The following TMEM223 variants were observed in gnomAD, a reference collection of about 807,000 sequenced individuals.
TMEM223 encodes the protein transmembrane protein 223.
A neutral mutation model predicts 14.1 loss-of-function variants in TMEM223; 14 were observed. The ratio of observed to expected loss-of-function variants is 0.99; its 90% CI spans 0.66 to 1.55. TMEM223 has a LOEUF of 1.55. TMEM223 is among the 40% of genes most tolerant of loss of function. TMEM223 has a pLI of 0.00. For synonymous variants in TMEM223, 145 were observed against 120.5 expected (o/e 1.20, Z -1.33); for missense variants, 346 against 269.9 (o/e 1.28, Z -1.97).
chr11:62,771,247 G>A (rs955254096), downstream of TMEM223: 3 of 152,374 alleles, frequency 2.0e-5, no homozygotes, highest in South Asian at 6.2e-4. Context: ...GCTTTAAGAA[G>A]CGGGAATCTT....
intron 1 of TMEM223, chr11:62,778,483 C>T: frequency 5.4e-6 from 5 of 923,882 alleles, no homozygotes; most frequent in Non-Finnish European, 6.8e-6. Context: ...CTGGGCTCTG[C>T]ATGGAGGGCT....
exon 3 of TMEM223, chr11:62,771,765 G>A (rs2084149513): frequency 4.5e-6 from 1 of 222,402 alleles, no homozygotes; most frequent in Middle Eastern, 1.9e-3. Flanking sequence ...GCGGAGGAGA[G>A]GAGGCTGAGG....
At chr11:62,789,606 C>G, downstream of TMEM223, 2 of 1,547,862 alleles carry the variant, frequency 1.3e-6, no homozygotes, top group Non-Finnish European at 1.7e-6. Flanking sequence ...CACAGCTGTT[C>G]TGAAGCCCAG....
chr11:62,784,653 G>T (rs990397993), downstream of TMEM223, among the ~76,000 whole-genome samples: 1 of 152,080 alleles, frequency 6.6e-6, no homozygotes, highest in Non-Finnish European at 1.5e-5. Context: ...TTATCAGATG[G>T]TTTTTCTGCA....
At chr11:62,779,974 A>ATTTT (rs1432226168) in intron 1 of TMEM223, among the ~76,000 whole-genome samples, 2 of 74,930 alleles carry the variant, frequency 2.7e-5, no homozygotes, top group African/African-American at 1.0e-4. Flanking sequence ...ATATATATAT[A>ATTTT]TATTTTTTTT....
chr11:62,775,780 G>A (rs2084182705), intron 1 of TMEM223: 4 of 1,605,770 alleles, frequency 2.5e-6, no homozygotes, highest in Non-Finnish European at 3.4e-6. Context: ...GCTCCACTGG[G>A]GCCATGTCAG....
At chr11:62,787,400 C>A, downstream of TMEM223, 2 of 1,556,616 alleles carry the variant, frequency 1.3e-6, no homozygotes, top group Non-Finnish European at 1.7e-6. Context: ...CGGGGTGCTG[C>A]TGCAGCGGCG....
At chr11:62,775,282 A>T (rs1324995139) in intron 1 of TMEM223, among the ~76,000 whole-genome samples, 1 of 152,162 alleles carries the variant, frequency 6.6e-6, no homozygotes, top group African/African-American at 2.4e-5. Context: ...TCAGGAGAAC[A>T]GCATGGGGGA....
In TMEM223 at chr11:62,791,886, A is replaced by C; in HGVS notation, c.109T>G (p.Phe37Val). ...AAGAAGCGGCCCCGATCATGCTCAA[A>C]GAGCAGCACATCCCGTTGCAGCGTC... ...GTTLQRDVLL[F>V]EHDRGRFFTI... The change falls in exon 1 of 2, where the codon TTT (phenylalanine) becomes GTT (valine). Residue 37 changes from phenylalanine (F) to valine (V), a missense_variant. Coordinates refer to ENST00000307366, the MANE Select transcript of TMEM223 (RefSeq NM_001080501.3). 8 of 1,598,978 alleles carry C rather than the reference A, an allele frequency of 5.0e-6. No homozygotes were observed. Among genetic ancestry groups the C allele is most frequent in the Non-Finnish European group, 6.8e-6 (8 of 1,173,386 alleles).
Position 62,774,891 on chromosome 11 carries a change from C to CA in TMEM223, c.315-227dup, listed in dbSNP as rs775768945. Among the ~76,000 whole-genome samples the CA allele has an allele frequency of 9.1e-3, 766 of 84,600 alleles. 8 individuals carry two copies. The highest frequency in any genetic ancestry group is 0.017 in the Admixed American group (140 of 8,086). 55.5% of individuals were successfully genotyped at this position (84,600 alleles called of 152,430 possible). ...GGGCAACAAGAACAAAACTCCGTCT[C>CA]AAAAAAAAAAAAAAAAAAATTTAGC... On this transcript the variant is annotated intron_variant, in intron 1 of 2. Coordinates refer to the TMEM223 transcript ENST00000528367.
downstream of TMEM223, chr11:62,787,362 G>T (rs1026398614): frequency 8.5e-6 from 13 of 1,537,796 alleles, no homozygotes; most frequent in South Asian, 4.8e-5. Context: ...CACCTTCGTG[G>T]GTCGCGCCGG....
At chr11:62,788,984 T>G (rs1261210034), downstream of TMEM223, 2 of 1,583,260 alleles carry the variant, frequency 1.3e-6, no homozygotes. Flanking sequence ...TCTAGAGACA[T>G]TAACCTGAAA....
chr11:62,787,438 C>G (rs779096208), downstream of TMEM223: 1 of 1,564,654 alleles, frequency 6.4e-7, no homozygotes, highest in East Asian at 2.3e-5. Flanking sequence ...CGCCATGGCG[C>G]TGTCCTGGCT....
chr11:62,787,230 C>T (rs1214088366), downstream of TMEM223: 7 of 1,576,508 alleles, frequency 4.4e-6, no homozygotes, highest in Admixed American at 1.7e-5. Flanking sequence ...TGCCCATGAT[C>T]GGCCGTACCA....
At chr11:62,782,786 C>T, downstream of TMEM223, 2 of 1,613,800 alleles carry the variant, frequency 1.2e-6, no homozygotes, top group Non-Finnish European at 1.7e-6. Flanking sequence ...TCTGCTGCCA[C>T]TATGGAGCCG....
At chr11:62,781,835 C>T (rs888243462) in intron 1 of TMEM223, 27 of 1,389,470 alleles carry the variant, frequency 1.9e-5, no homozygotes, top group East Asian at 1.1e-4. Context: ...AGAAGAATAC[C>T]GCATTCATGT....
rs117311260 is a variant in TMEM223, at chr11:62,777,593, A to G, written c.315-2928T>C. Among the ~76,000 whole-genome samples, 413 of 152,314 alleles carry G rather than the reference A, an allele frequency of 2.7e-3. 2 individuals are homozygous for G. Among genetic ancestry groups the G allele is most frequent in the Middle Eastern group, 6.8e-3 (2 of 294 alleles). ...GCATTCAGGCTAAGGGAGGAGCCTG[A>G]GCAACAGTGTGGGTGTTAGGGCCTC... On this transcript the variant is annotated intron_variant, in intron 1 of 2. Coordinates refer to the TMEM223 transcript ENST00000528367.
intron 1 of TMEM223, 83 bp downstream of exon 1, chr11:62,791,596 T>TCC: frequency 7.2e-7 from 1 of 1,392,100 alleles, no homozygotes; most frequent in Non-Finnish European, 9.5e-7. Context: ...GGATAGGGAG[T>TCC]CCCTGACTCT....
At chr11:62,775,076 AAAAAG>A (rs1426392856) in intron 1 of TMEM223, among the ~76,000 whole-genome samples, 7 of 151,770 alleles carry the variant, frequency 4.6e-5, no homozygotes, top group Non-Finnish European at 7.4e-5. Context: ...AAAAAAAAAA[AAAAAG>A]AAAAGACTGG....
Sources: gnomAD v4.1 joint callset for allele counts (sites outside exome capture counted in the v4.1 genomes callset) on GRCh38, gnomAD v4.1.1 for gene constraint, MANE v1.5 for transcripts, NCBI Gene and HGNC (gene_info 2026-07-23, HGNC 2026-07-21) for gene names.